The following SPATS1 variants were observed in gnomAD, a reference collection of about 807,000 sequenced individuals.
The protein encoded by SPATS1 is spermatogenesis associated serine rich 1.
Under a neutral mutation model 33.6 loss-of-function variants are expected in SPATS1, and 23 were observed. That is an observed-to-expected ratio of 0.68 (90% confidence interval 0.49 to 0.97). SPATS1 has a LOEUF of 0.97. SPATS1 is among the 50% of genes least tolerant of loss of function. The pLI is 0.00. For missense variants in SPATS1, 327 were observed against 361.0 expected (o/e 0.91, Z 0.76); for synonymous variants, 131 against 125.6 (o/e 1.04, Z -0.29).
In SPATS1 at chr6:44,360,462, G is replaced by C. The variant is rs1490672226; in HGVS notation, c.304G>C (p.Asp102His). Residue 102 changes from aspartate (D) to histidine (H), a missense_variant, in exon 4 of 9, where the codon GAT becomes CAT. Transcript: ENST00000674044. ...TCTTTCCAGCACCACTGCTGACTTGGATCGGAAACTCTCCTTCTCACATTC... is the reference window on the plus strand; with the variant it reads ...TCTTTCCAGCACCACTGCTGACTTGCATCGGAAACTCTCCTTCTCACATTC... ...SAYVDTTADL[D>H]RKLSFSHSDH... 1 of 1,614,122 alleles carries C rather than the reference G, an allele frequency of 6.2e-7. No homozygotes were observed. Among genetic ancestry groups the C allele is most frequent in the African/African-American group, 1.3e-5 (1 of 75,042 alleles).
chr6:44,349,288 C>CAAAAAAAAAAAA, intron 2 of SPATS1, among the ~76,000 whole-genome samples: 1 of 72,616 alleles, frequency 1.4e-5, no homozygotes, highest in Non-Finnish European at 2.5e-5. Flanking sequence ...GACTCTGGCT[C>CAAAAAAAAAAAA]AAAAAAAAAA....
intron 2 of SPATS1, chr6:44,343,569 G>A (rs776398307): frequency 2.3e-5 from 11 of 472,784 alleles, no homozygotes; most frequent in Non-Finnish European, 3.7e-5. Flanking sequence ...ACATGAGCCT[G>A]GGATTTGACA....
intron 7 of SPATS1, among the ~76,000 whole-genome samples, chr6:44,373,406 TTTAAGTCAGGAG>T (rs1355329222): frequency 3.3e-5 from 5 of 152,196 alleles, no homozygotes. Flanking sequence ...TTTCTACTTG[TTTAAGTCAGGAG>T]AGTAAATCTG....
rs181146235 is a variant in SPATS1 at position 44,353,040 on chromosome 6, A to G, written c.287+167A>G. On this transcript the variant is annotated intron_variant, in intron 3 of 8. Transcript: ENST00000674044. ...ACTTAGTATCTGTGTGAATCTGAGC[A>G]AATTACTTCACCTCCCTGGGCTTCA... Among the ~76,000 whole-genome samples, 1,122 of 152,310 alleles carry G rather than the reference A, an allele frequency of 7.4e-3. 6 individuals carry two copies. The highest frequency in any genetic ancestry group is 0.012 in the Non-Finnish European group (816 of 68,018).
chr6:44,357,261 G>A (rs1341420743), intron 3 of SPATS1, among the ~76,000 whole-genome samples: 2 of 152,068 alleles, frequency 1.3e-5, no homozygotes, highest in Non-Finnish European at 1.5e-5. Context: ...CCAATGCCTT[G>A]CTGTGTTCAC....
intron 3 of SPATS1, among the ~76,000 whole-genome samples, chr6:44,359,219 C>A (rs1019178388): frequency 1.3e-5 from 2 of 152,080 alleles, no homozygotes; most frequent in Non-Finnish European, 2.9e-5. Flanking sequence ...CCTTGGCATC[C>A]CGAAATACTA....
At chr6:44,350,639 T>G (rs930384343) in intron 2 of SPATS1, among the ~76,000 whole-genome samples, 2 of 152,114 alleles carry the variant, frequency 1.3e-5, no homozygotes, top group Non-Finnish European at 2.9e-5. Context: ...TGGTGATAGA[T>G]CGGGACTTGA....
At chr6:44,365,384 C>G (rs994527994) in intron 5 of SPATS1, among the ~76,000 whole-genome samples, 3 of 152,172 alleles carry the variant, frequency 2.0e-5, no homozygotes, top group Non-Finnish European at 4.4e-5. Flanking sequence ...TTGTATTAGT[C>G]AGAATAGGAT....
chr6:44,362,055 T>C (rs943749344), intron 5 of SPATS1, 63 bp downstream of exon 5: 11 of 1,600,156 alleles, frequency 6.9e-6, no homozygotes, highest in African/African-American at 1.3e-5. Flanking sequence ...CGTGATTCTA[T>C]AGGCCCTGCA....
chr6:44,362,112 G>T (rs1369055615), intron 5 of SPATS1, 120 bp downstream of exon 5: 7 of 1,280,226 alleles, frequency 5.5e-6, no homozygotes, highest in Admixed American at 2.0e-5. Context: ...TTCCCCTAGT[G>T]CAGCCAGGAA....
At chr6:44,360,222 C>G (rs1283139423) in intron 3 of SPATS1, among the ~76,000 whole-genome samples, 1 of 152,222 alleles carries the variant, frequency 6.6e-6, no homozygotes, top group Non-Finnish European at 1.5e-5. Flanking sequence ...CCTGTCTCAG[C>G]CTCCCAAGGT....
chr6:44,374,348 C>T (rs376191525), intron 7 of SPATS1, among the ~76,000 whole-genome samples: 5 of 152,116 alleles, frequency 3.3e-5, no homozygotes, highest in East Asian at 3.8e-4. Context: ...ATTAGCATTT[C>T]GACTATTTTT....
chr6:44,356,995 C>G (rs925480228), intron 3 of SPATS1, among the ~76,000 whole-genome samples: 14 of 152,202 alleles, frequency 9.2e-5, no homozygotes, highest in African/African-American at 3.4e-4. Context: ...ATTCCTTTCA[C>G]AGCTTCCAGA....
chr6:44,351,387 G>A (rs1057461297), intron 2 of SPATS1, among the ~76,000 whole-genome samples: 3 of 152,026 alleles, frequency 2.0e-5, no homozygotes, highest in Admixed American at 6.6e-5. Flanking sequence ...CCAATCCCCC[G>A]TCGATACCAA....
intron 4 of SPATS1, chr6:44,361,361 C>G (rs1256595160): frequency 1.0e-6 from 1 of 985,320 alleles, no homozygotes; most frequent in Non-Finnish European, 1.2e-6. Context: ...TTCCCGGTGT[C>G]ACCGTAGCAC....
chr6:44,376,260 G>A, intron 7 of SPATS1, 98 bp from the exon 8 acceptor site: 1 of 700,578 alleles, frequency 1.4e-6, no homozygotes, highest in Non-Finnish European at 2.5e-6. Context: ...CTAAATTGGA[G>A]GTCTTTTTAC....
chr6:44,376,517 G>A (rs1245662726), intron 8 of SPATS1, 44 bp downstream of exon 8: 1 of 1,396,560 alleles, frequency 7.2e-7, no homozygotes, highest in Non-Finnish European at 9.9e-7. Flanking sequence ...AACTGGAGGA[G>A]TCCGCCGGGT....
At chr6:44,354,053 A>AC (rs1554152597) in intron 3 of SPATS1, among the ~76,000 whole-genome samples, 4 of 144,886 alleles carry the variant, frequency 2.8e-5, no homozygotes, top group African/African-American at 7.6e-5. Context: ...AAAAAAAAAA[A>AC]CAAAAAAAAG....
At chr6:44,368,139 C>A (rs1234351859) in intron 5 of SPATS1, among the ~76,000 whole-genome samples, 1 of 152,222 alleles carries the variant, frequency 6.6e-6, no homozygotes, top group African/African-American at 2.4e-5. Flanking sequence ...AACACTCCAT[C>A]TGAATCTAAC....
Sources: allele counts gnomAD v4.1 joint callset (sites outside exome capture counted in the v4.1 genomes callset), GRCh38; gene constraint gnomAD v4.1.1; transcripts MANE v1.5; gene names NCBI Gene and HGNC (gene_info 2026-07-23, HGNC 2026-07-21).